Variants in CWF19L1 observed in about 807,000 individuals in gnomAD.
The protein encoded by CWF19L1 is CWF19-like protein 1.
Under a neutral mutation model 69.7 loss-of-function variants are expected in CWF19L1, and 60 were observed. That is an observed-to-expected ratio of 0.86 (90% CI 0.70 to 1.07). CWF19L1 has a LOEUF of 1.07. CWF19L1 is among the 50% of genes least tolerant of loss of function. The pLI is 0.00. For synonymous variants in CWF19L1, 209 were observed against 222.2 expected (o/e 0.94, Z 0.53); for missense variants, 591 against 638.9 (o/e 0.92, Z 0.81).
chr10:100,266,469 G>A (rs1399031318), intron 1 of CWF19L1, among the ~76,000 whole-genome samples: 2 of 151,804 alleles, frequency 1.3e-5, no homozygotes, highest in African/African-American at 4.8e-5. Flanking sequence ...GATTATAGGC[G>A]TGAGCCACTG....
chr10:100,246,284 G>C (rs1463607182), intron 8 of CWF19L1, among the ~76,000 whole-genome samples: 1 of 152,222 alleles, frequency 6.6e-6, no homozygotes. Flanking sequence ...TCAGCCTTAA[G>C]AGATGAGAAG....
chr10:100,262,339 C>T (rs1230417832), intron 1 of CWF19L1: 2 of 985,282 alleles, frequency 2.0e-6, no homozygotes, highest in Non-Finnish European at 2.4e-6. Flanking sequence ...CTATGGCTGA[C>T]ATGGTCAACA....
At chr10:100,239,260 T>C (rs1392696760) in intron 10 of CWF19L1, among the ~76,000 whole-genome samples, 1 of 152,178 alleles carries the variant, frequency 6.6e-6, no homozygotes, top group Non-Finnish European at 1.5e-5. Flanking sequence ...GGTCTACCAC[T>C]CAGATATTCT....
At chr10:100,241,695 C>T (rs1269721460) in intron 10 of CWF19L1, among the ~76,000 whole-genome samples, 1 of 152,212 alleles carries the variant, frequency 6.6e-6, no homozygotes. Context: ...CAATGGCCTT[C>T]GTGCTGCATC....
intron 13 of CWF19L1, 38 bp from the exon 14 acceptor site, chr10:100,233,409 T>C: frequency 6.3e-7 from 1 of 1,599,834 alleles, no homozygotes; most frequent in Non-Finnish European, 8.5e-7. Flanking sequence ...ATGGAAACTA[T>C]CAGCCTGAGC....
At chr10:100,252,589 C>T (rs1167449616) in intron 6 of CWF19L1, among the ~76,000 whole-genome samples, 1 of 152,110 alleles carries the variant, frequency 6.6e-6, no homozygotes, top group East Asian at 1.9e-4. Context: ...AATCCCAGCA[C>T]TTTGGGAGGC....
intron 7 of CWF19L1, among the ~76,000 whole-genome samples, chr10:100,248,068 G>C (rs561889796): frequency 6.6e-6 from 1 of 152,244 alleles, no homozygotes; most frequent in East Asian, 1.9e-4. Context: ...GTTGCTTATG[G>C]CTGAGGCTAA....
intron 10 of CWF19L1, among the ~76,000 whole-genome samples, chr10:100,241,669 T>C (rs752146987): frequency 2.0e-5 from 3 of 152,232 alleles, no homozygotes; most frequent in Non-Finnish European, 2.9e-5. Context: ...TCGAAGTGCA[T>C]AGCACTGGCA....
In CWF19L1 at chr10:100,246,943, G is replaced by A; in HGVS notation, c.709-8C>T. ...ACTGAACGCGTAAAGATACTTTAGA[G>A]AAAAAGAACATAATGACATTAGGGG... On this transcript the variant is annotated splice_region_variant and splice_polypyrimidine_tract_variant and intron_variant, in intron 7 of 13. Coordinates refer to ENST00000354105, the MANE Select transcript of CWF19L1 (RefSeq NM_018294.6). The A allele has an allele frequency of 6.3e-7, 1 of 1,592,688 alleles. No individual in the cohort carries two copies. The highest frequency in any genetic ancestry group is 8.6e-7 in the Non-Finnish European group (1 of 1,165,668).
chr10:100,265,711 G>C (rs1031522863), intron 1 of CWF19L1, among the ~76,000 whole-genome samples: 27 of 151,906 alleles, frequency 1.8e-4, no homozygotes, highest in African/African-American at 6.5e-4. Context: ...AGTAGACACA[G>C]GGTTTCACCA....
At chr10:100,253,194 A>C (rs186407791) in intron 6 of CWF19L1, among the ~76,000 whole-genome samples, 12 of 152,284 alleles carry the variant, frequency 7.9e-5, no homozygotes, top group Admixed American at 3.9e-4. Flanking sequence ...CCTGAAAAGG[A>C]AAAAACTGAT....
At position 100,243,680 on chromosome 10, in the gene CWF19L1, T is replaced by C. The variant is rs1846708478; in HGVS notation, c.1044+18A>G. 1 of 1,607,758 alleles carries C rather than the reference T, an allele frequency of 6.2e-7. No individual in the cohort carries two copies. The highest frequency in any genetic ancestry group is 1.3e-5 in the African/African-American group (1 of 74,912). On this transcript the variant is annotated intron_variant, in intron 10 of 13. Coordinates refer to ENST00000354105, the MANE Select transcript of CWF19L1 (RefSeq NM_018294.6). ...AATAGGCATCTCCTTCTCTATAAAG[T>C]CCAAGGAAGTAACTCACATGTGTGC...
chr10:100,238,780 A>C (rs1190786141), intron 10 of CWF19L1, among the ~76,000 whole-genome samples: 1 of 152,016 alleles, frequency 6.6e-6, no homozygotes, highest in Admixed American at 6.5e-5. Flanking sequence ...AAATACAAAA[A>C]TTAGCCAGGC....
At chr10:100,252,554 G>A (rs1847074720) in intron 6 of CWF19L1, among the ~76,000 whole-genome samples, 1 of 152,026 alleles carries the variant, frequency 6.6e-6, no homozygotes, top group Non-Finnish European at 1.5e-5. Context: ...TATTTTCTTG[G>A]CTGGGCATGG....
At chr10:100,237,049 A>G in intron 11 of CWF19L1, 80 bp from the exon 12 acceptor site, 8 of 1,492,692 alleles carry the variant, frequency 5.4e-6, no homozygotes, top group Non-Finnish European at 7.2e-6. Context: ...AGAAGTAGCA[A>G]ATCCATCACA....
At chr10:100,236,221 C>T (rs1846431686) in intron 12 of CWF19L1, among the ~76,000 whole-genome samples, 1 of 151,522 alleles carries the variant, frequency 6.6e-6, no homozygotes, top group Admixed American at 6.6e-5. Context: ...CCTCCTGACT[C>T]TCAGCCTCCT....
intron 5 of CWF19L1, 23 bp downstream of exon 5, chr10:100,256,239 C>A: frequency 6.3e-7 from 1 of 1,589,910 alleles, no homozygotes; most frequent in Non-Finnish European, 8.6e-7. Flanking sequence ...TTTAGAAATT[C>A]CAACTAAACA....
intron 10 of CWF19L1, among the ~76,000 whole-genome samples, chr10:100,242,250 C>A (rs1418021159): frequency 6.6e-6 from 1 of 152,232 alleles, no homozygotes; most frequent in Non-Finnish European, 1.5e-5. Context: ...TAGATACTCA[C>A]ACCAGGAGTG....
Position 100,256,389 on chromosome 10 carries a change from T to TA in CWF19L1, c.376dup (p.Tyr126LeufsTer2), listed in dbSNP as rs1184512255. On this transcript the variant is annotated frameshift_variant, in exon 5 of 14. Transcript: ENST00000354105. LOFTEE classifies it high-confidence loss of function. The stretch of plus-strand genomic sequence containing the variant: ...AGACACATCCTTGGGACTAAAACTA[T>TA]AACCTGGTACTGGCTCATTTAAGGA... The TA allele has an allele frequency of 1.2e-6, 2 of 1,614,128 alleles. No homozygotes were observed. Among genetic ancestry groups the TA allele is most frequent in the Non-Finnish European group, 1.7e-6 (2 of 1,179,980 alleles).
Sources: allele counts gnomAD v4.1 joint callset (sites outside exome capture counted in the v4.1 genomes callset), GRCh38; gene constraint gnomAD v4.1.1; transcripts MANE v1.5; gene names NCBI Gene and HGNC (gene_info 2026-07-23, HGNC 2026-07-21).